The following FUT8 variants were observed in gnomAD, a reference collection of about 807,000 sequenced individuals.
FUT8 encodes fucosyltransferase 8, also known as alpha-(1,6)-fucosyltransferase.
In FUT8, 29 loss-of-function variants were observed where a neutral mutation model predicts 71.3. The ratio of observed to expected loss-of-function variants is 0.41; its 90% CI spans 0.30 to 0.55. FUT8 has a LOEUF of 0.55. Ranked by LOEUF, FUT8 falls within the 20% of genes least tolerant of loss-of-function variation. The pLI is 0.34. For synonymous variants in FUT8, 254 were observed against 239.3 expected, an observed-to-expected ratio of 1.06 and a Z score of -0.57; for missense variants, 544 against 702.1, an observed-to-expected ratio of 0.77 and a Z score of 2.55.
chr14:65,731,798 G>A (rs1895995597), intron 9 of FUT8, among the ~76,000 whole-genome samples: 1 of 152,078 alleles, frequency 6.6e-6, no homozygotes, highest in Non-Finnish European at 1.5e-5. Context: ...CCCAGCCTTA[G>A]GTACCCTTTT....
chr14:65,531,268 G>C (rs1883938254), intron 2 of FUT8, among the ~76,000 whole-genome samples: 1 of 151,940 alleles, frequency 6.6e-6, no homozygotes, highest in African/African-American at 2.4e-5. Context: ...GGTGACATTA[G>C]CTTCATTCTT....
At chr14:65,671,843 A>C (rs544187460) in intron 7 of FUT8, among the ~76,000 whole-genome samples, 1 of 152,334 alleles carries the variant, frequency 6.6e-6, no homozygotes, top group East Asian at 1.9e-4. Context: ...ATTAGAGGAA[A>C]TAGTGAATTT....
chr14:65,395,398 C>T, the FUT8 span, among the ~76,000 whole-genome samples: 1 of 152,240 alleles, frequency 6.6e-6, no homozygotes, highest in African/African-American at 2.4e-5. Context: ...CCCTCCCCTG[C>T]AGCAAACTTC....
chr14:65,620,441 T>C (rs933316062), intron 5 of FUT8, among the ~76,000 whole-genome samples: 1 of 152,178 alleles, frequency 6.6e-6, no homozygotes, highest in Non-Finnish European at 1.5e-5. Flanking sequence ...AAAGACATTG[T>C]GGGGGATTAT....
intron 7 of FUT8, among the ~76,000 whole-genome samples, chr14:65,700,640 C>G (rs1594914089): frequency 6.6e-6 from 1 of 152,038 alleles, no homozygotes; most frequent in South Asian, 2.1e-4. Context: ...ACCTCGTGAT[C>G]CGCCCGCCTT....
intron 7 of FUT8, among the ~76,000 whole-genome samples, chr14:65,712,647 G>A (rs1484340095): frequency 6.6e-6 from 1 of 152,180 alleles, no homozygotes; most frequent in African/African-American, 2.4e-5. Context: ...GTTTCTCCAT[G>A]TTGGTCAGGC....
At chr14:65,614,300 C>A (rs2140216189) in intron 3 of FUT8, among the ~76,000 whole-genome samples, 1 of 152,264 alleles carries the variant, frequency 6.6e-6, no homozygotes, top group South Asian at 2.1e-4. Context: ...TATTGCCAGA[C>A]ACTGCTAAGT....
intron 1 of FUT8, among the ~76,000 whole-genome samples, chr14:65,439,967 T>C (rs1191629769): frequency 0.019 from 2,465 of 130,096 alleles, 147 homozygotes; most frequent in Non-Finnish European, 0.027. Flanking sequence ...TATATATATA[T>C]ATATATATAT....
chr14:65,370,621 A>G, the FUT8 span, among the ~76,000 whole-genome samples: 1 of 150,230 alleles, frequency 6.7e-6, no homozygotes, highest in East Asian at 1.9e-4. Flanking sequence ...ATAACTATAT[A>G]TAGTTAGGTA....
chr14:65,415,573 A>G (rs750651186), intron 1 of FUT8, among the ~76,000 whole-genome samples: 29 of 152,146 alleles, frequency 1.9e-4, no homozygotes, highest in Admixed American at 7.2e-4. Flanking sequence ...TGTTTTTATA[A>G]TAGCTACAAT....
At chr14:65,623,918 A>G (rs1385723404) in intron 5 of FUT8, among the ~76,000 whole-genome samples, 1 of 152,208 alleles carries the variant, frequency 6.6e-6, no homozygotes, top group African/African-American at 2.4e-5. Context: ...AAACCACAAC[A>G]GCCAGATTCC....
intron 7 of FUT8, among the ~76,000 whole-genome samples, chr14:65,701,421 G>C (rs533564531): frequency 6.6e-6 from 1 of 152,150 alleles, no homozygotes. Context: ...TGGGTTTTCT[G>C]TCCCAAAGTA....
intron 2 of FUT8, among the ~76,000 whole-genome samples, chr14:65,526,276 T>C (rs962459467): frequency 6.6e-6 from 1 of 152,242 alleles, no homozygotes; most frequent in Non-Finnish European, 1.5e-5. Flanking sequence ...TTTAGTATAG[T>C]TAGCTCTTCT....
At chr14:65,553,760 T>G (rs974361780) in intron 2 of FUT8, among the ~76,000 whole-genome samples, 2 of 151,968 alleles carry the variant, frequency 1.3e-5, no homozygotes, top group African/African-American at 4.8e-5. Context: ...GTTTTTTGAC[T>G]GGCCTTCTTT....
intron 10 of FUT8, among the ~76,000 whole-genome samples, chr14:65,739,179 A>G (rs1430666234): frequency 6.6e-6 from 1 of 152,026 alleles, no homozygotes; most frequent in Non-Finnish European, 1.5e-5. Context: ...AGAGCACACT[A>G]TTATAACACT....
chr14:65,402,014 A>G, the FUT8 span, among the ~76,000 whole-genome samples: 1 of 151,900 alleles, frequency 6.6e-6, no homozygotes, highest in Non-Finnish European at 1.5e-5. Flanking sequence ...TAGGTGCCTC[A>G]GTATCCGACA....
intron 5 of FUT8, among the ~76,000 whole-genome samples, chr14:65,620,481 G>T (rs1412769704): frequency 1.4e-4 from 21 of 152,044 alleles, no homozygotes; most frequent in Admixed American, 1.4e-3. Context: ...TGACTCAAGG[G>T]GTACACTGGG....
chr14:65,382,571 C>T, the FUT8 span, among the ~76,000 whole-genome samples: 25 of 152,238 alleles, frequency 1.6e-4, no homozygotes, highest in African/African-American at 6.0e-4. Flanking sequence ...AACTCCTGAC[C>T]TTGGGTGATC....
chr14:65,459,630 C>G (rs1010956328), intron 2 of FUT8, among the ~76,000 whole-genome samples: 2 of 152,158 alleles, frequency 1.3e-5, no homozygotes, highest in African/African-American at 4.8e-5. Context: ...GAACCCTACA[C>G]TGCAATGTCT....
Sources: allele counts gnomAD v4.1 joint callset (sites outside exome capture counted in the v4.1 genomes callset), GRCh38; gene constraint gnomAD v4.1.1; transcripts MANE v1.5; gene names NCBI Gene and HGNC (gene_info 2026-07-23, HGNC 2026-07-21).